KLF12: variants seen among roughly 807,000 people sequenced by gnomAD.
The protein encoded by KLF12 is Krueppel-like factor 12.
KLF12 carries 9 observed loss-of-function variants against 37.8 expected under a neutral mutation model. The ratio of observed to expected loss-of-function variants is 0.24; its 90% CI spans 0.14 to 0.42. The LOEUF (loss-of-function observed/expected upper bound fraction) is 0.42. Ranked by LOEUF, KLF12 falls within the 10% of genes least tolerant of loss-of-function variation. KLF12 has a pLI of 1.00. For missense variants in KLF12, 411 were observed against 516.0 expected, an observed-to-expected ratio of 0.80 and a Z score of 1.97; for synonymous variants, 208 against 202.1, an observed-to-expected ratio of 1.03 and a Z score of -0.25.
chr13:73,756,893 C>G (rs1879203473), intron 6 of KLF12, among the ~76,000 whole-genome samples: 1 of 152,124 alleles, frequency 6.6e-6, no homozygotes, highest in Non-Finnish European at 1.5e-5. Context: ...TGGGTGCTGT[C>G]CTGGCTCCTG....
intron 2 of KLF12, among the ~76,000 whole-genome samples, chr13:73,950,712 A>G (rs982328248): frequency 5.9e-5 from 9 of 152,220 alleles, no homozygotes; most frequent in Non-Finnish European, 1.0e-4. Flanking sequence ...ACTTCAGTTC[A>G]GCTGAACAGG....
intron 4 of KLF12, among the ~76,000 whole-genome samples, chr13:73,823,117 A>G (rs77264423): frequency 0.016 from 2,467 of 152,188 alleles, 36 homozygotes; most frequent in Non-Finnish European, 0.025. Context: ...CACTTTTCTT[A>G]TTTCCCTTAG....
chr13:74,235,756 T>G, the KLF12 span, among the ~76,000 whole-genome samples: 2 of 152,250 alleles, frequency 1.3e-5, no homozygotes. Flanking sequence ...CCATGCAAAC[T>G]TATTTTCATT....
chr13:73,708,376 T>C (rs1180327549), intron 7 of KLF12, among the ~76,000 whole-genome samples: 3 of 152,202 alleles, frequency 2.0e-5, no homozygotes, highest in Non-Finnish European at 4.4e-5. Flanking sequence ...TTTTTACATA[T>C]TGTAATTCCT....
At chr13:73,896,023 T>C (rs913772262) in intron 3 of KLF12, among the ~76,000 whole-genome samples, 1 of 152,072 alleles carries the variant, frequency 6.6e-6, no homozygotes, top group South Asian at 2.1e-4. Flanking sequence ...GGTTTCACCA[T>C]GTTGGCCAGG....
At position 73,688,499 on chromosome 13, in the gene KLF12, G is replaced by A. The variant is rs1260353989; in HGVS notation, c.*6991C>T. ...ATGCATCTGAAGCAGATTCTAGAAT[G>A]TCTATATTGGTGGAAAGGTATACAA... On this transcript the variant is annotated 3_prime_UTR_variant, in exon 8 of 8. Coordinates refer to ENST00000377669, the MANE Select transcript of KLF12 (RefSeq NM_007249.5). The A allele has an allele frequency of 3.3e-5, 5 of 152,142 alleles. No homozygotes were observed. Among genetic ancestry groups the A allele is most frequent in the Non-Finnish European group, 7.3e-5 (5 of 68,032 alleles). 9.4% of individuals were successfully genotyped at this position (152,142 alleles called of 1,614,324 possible). A position where few individuals can be genotyped will look rare whatever the true frequency, so the allele number is the denominator to read the frequency against.
chr13:73,978,502 T>C (rs555144641), intron 2 of KLF12, among the ~76,000 whole-genome samples: 2 of 152,318 alleles, frequency 1.3e-5, no homozygotes, highest in South Asian at 4.1e-4. Flanking sequence ...CACTCATTGC[T>C]GGTGGGAAAG....
chr13:74,273,078 A>G, the KLF12 span, among the ~76,000 whole-genome samples: 1 of 152,210 alleles, frequency 6.6e-6, no homozygotes, highest in Non-Finnish European at 1.5e-5. Context: ...CTCTACTAGT[A>G]TCCTTTCAAA....
intron 3 of KLF12, among the ~76,000 whole-genome samples, chr13:73,901,682 GCAGCAAAGCAATAAAGAT>G (rs1347808191): frequency 1.3e-5 from 2 of 152,074 alleles, no homozygotes; most frequent in Non-Finnish European, 2.9e-5. Flanking sequence ...CTTCCCTAAT[GCAGCAAAGCAATAAAGAT>G]CAGCAAAGAA....
At chr13:73,847,791 A>C (rs9573316) in intron 3 of KLF12, among the ~76,000 whole-genome samples, 30,037 of 152,140 alleles carry the variant, frequency 0.2, 3,650 homozygotes, top group East Asian at 0.49. Context: ...TTGAGAAATA[A>C]ATTTTTAATC....
intron 6 of KLF12, among the ~76,000 whole-genome samples, chr13:73,736,295 T>A (rs1322634851): frequency 6.6e-6 from 1 of 152,220 alleles, no homozygotes; most frequent in African/African-American, 2.4e-5. Context: ...CATAGATGAA[T>A]GACATTAATT....
chr13:73,716,592 C>T (rs1875825804), intron 6 of KLF12, among the ~76,000 whole-genome samples: 2 of 152,148 alleles, frequency 1.3e-5, no homozygotes, highest in African/African-American at 4.8e-5. Context: ...CAGGGAAGAG[C>T]CTCTATCCTG....
chr13:74,108,110 AT>A (rs1876755620), intron 1 of KLF12, among the ~76,000 whole-genome samples: 1 of 152,180 alleles, frequency 6.6e-6, no homozygotes, highest in Non-Finnish European at 1.5e-5. Flanking sequence ...TGAATGTATT[AT>A]AACTCACAAT....
chr13:73,786,576 GC>G (rs1881359433), intron 5 of KLF12, among the ~76,000 whole-genome samples: 1 of 151,796 alleles, frequency 6.6e-6, no homozygotes, highest in South Asian at 2.1e-4. Flanking sequence ...TATAAATCCT[GC>G]CTATCTTTCA....
intron 2 of KLF12, chr13:73,961,853 A>T (rs1891032161): frequency 2.8e-6 from 1 of 361,486 alleles, no homozygotes. Context: ...CAGCAAATGT[A>T]GGGGAGGATG....
chr13:73,908,271 C>T (rs573193296), intron 3 of KLF12, among the ~76,000 whole-genome samples: 4 of 149,790 alleles, frequency 2.7e-5, no homozygotes, highest in Admixed American at 6.6e-5. Context: ...CATGGTAGTG[C>T]GTGCCTGTAG....
chr13:73,893,047 C>A (rs1015307565), intron 3 of KLF12, among the ~76,000 whole-genome samples: 2 of 151,604 alleles, frequency 1.3e-5, no homozygotes, highest in African/African-American at 4.8e-5. Context: ...AAACCCTTTT[C>A]TTATTTCCTA....
chr13:73,911,290 A>G (rs2139152697), intron 3 of KLF12, among the ~76,000 whole-genome samples: 2 of 152,298 alleles, frequency 1.3e-5, no homozygotes, highest in South Asian at 4.1e-4. Context: ...AGGCAAGAGC[A>G]TAAGGTATGG....
intron 1 of KLF12, among the ~76,000 whole-genome samples, chr13:74,033,291 T>A (rs1389411575): frequency 6.6e-6 from 1 of 152,216 alleles, no homozygotes; most frequent in Non-Finnish European, 1.5e-5. Context: ...CTATTTGGTG[T>A]ATGCCCTTTT....
Sources: gnomAD v4.1 joint callset for allele counts (sites outside exome capture counted in the v4.1 genomes callset) on GRCh38, gnomAD v4.1.1 for gene constraint, MANE v1.5 for transcripts, NCBI Gene and HGNC (gene_info 2026-07-23, HGNC 2026-07-21) for gene names.